The following CRIM1 variants were observed in gnomAD, a reference collection of about 807,000 sequenced individuals.
CRIM1 encodes cysteine rich transmembrane BMP regulator 1.
In CRIM1, 32 loss-of-function variants were observed where a neutral mutation model predicts 116.4. The ratio of observed to expected loss-of-function variants is 0.27; its 90% confidence interval spans 0.21 to 0.37. The LOEUF is 0.37. Ranked by LOEUF, CRIM1 falls within the 10% of genes least tolerant of loss-of-function variation. The probability of loss-of-function intolerance (pLI) is 1.00; values close to 1 mark genes in which losing one functional copy is unlikely to be tolerated. For synonymous variants in CRIM1, 590 were observed against 509.2 expected (o/e 1.16, Z -2.13); for missense variants, 1,331 against 1,354.8 (o/e 0.98, Z 0.28).
At chr2:36,385,226 A>G (rs1180717214) in intron 1 of CRIM1, among the ~76,000 whole-genome samples, 1 of 152,178 alleles carries the variant, frequency 6.6e-6, no homozygotes, top group African/African-American at 2.4e-5. Flanking sequence ...TTTATCTTCC[A>G]CTTGGTTTAT....
chr2:36,508,005 T>C (rs1488862277), intron 8 of CRIM1, among the ~76,000 whole-genome samples: 6 of 152,192 alleles, frequency 3.9e-5, no homozygotes, highest in Admixed American at 3.9e-4. Flanking sequence ...GACAGAAAAA[T>C]GGGTTCACAA....
chr2:36,367,136 A>G (rs1669653995), intron 1 of CRIM1, among the ~76,000 whole-genome samples: 1 of 152,242 alleles, frequency 6.6e-6, no homozygotes, highest in Non-Finnish European at 1.5e-5. Context: ...AAGTCAAAGT[A>G]GAAGGATTTT....
intron 4 of CRIM1, among the ~76,000 whole-genome samples, chr2:36,464,126 A>G (rs190673836): frequency 1.3e-5 from 2 of 152,354 alleles, no homozygotes; most frequent in East Asian, 1.9e-4. Flanking sequence ...ACATGAGGCC[A>G]TTTAGCACGG....
intron 2 of CRIM1, among the ~76,000 whole-genome samples, chr2:36,424,216 C>G (rs371820723): frequency 1.1e-4 from 16 of 152,186 alleles, no homozygotes; most frequent in East Asian, 9.7e-4. Flanking sequence ...GTAGGTTGTG[C>G]ATAAAGTCTA....
At chr2:36,443,042 G>A (rs1675980373) in intron 4 of CRIM1, among the ~76,000 whole-genome samples, 1 of 152,164 alleles carries the variant, frequency 6.6e-6, no homozygotes. Flanking sequence ...GGCAGGCAGT[G>A]AGGTGTCTAT....
chr2:36,550,711 TTTG>T lies in CRIM1; in HGVS notation c.*2013_*2015del, dbSNP rs1478119885. On this transcript the variant is annotated 3_prime_UTR_variant, in exon 17 of 17. Coordinates refer to ENST00000280527, the MANE Select transcript of CRIM1 (RefSeq NM_016441.3). ...ATATTTTTATCTTTTCCAAAATAAA[TTTG>T]TTAATGATACATTACAAAAATAGAT... 6.6e-6 allele frequency: 1 copy of T among 152,540 alleles called. No homozygotes were observed. Among genetic ancestry groups the T allele is most frequent in the Non-Finnish European group, 1.5e-5 (1 of 68,022 alleles). 9.4% of individuals were successfully genotyped at this position (152,540 alleles called of 1,614,324 possible).
intron 7 of CRIM1, among the ~76,000 whole-genome samples, chr2:36,497,642 A>G (rs978607701): frequency 2.0e-5 from 3 of 152,210 alleles, no homozygotes; most frequent in Non-Finnish European, 1.5e-5. Flanking sequence ...ATCAGTGAAA[A>G]GTTTATATAA....
At chr2:36,538,270 A>G (rs1316938978) in intron 14 of CRIM1, among the ~76,000 whole-genome samples, 2 of 152,090 alleles carry the variant, frequency 1.3e-5, no homozygotes, top group African/African-American at 4.8e-5. Flanking sequence ...CTGCCAAACA[A>G]TTCCTCTTTC....
intron 2 of CRIM1, among the ~76,000 whole-genome samples, chr2:36,424,068 G>A (rs116315154): frequency 6.6e-6 from 1 of 152,148 alleles, no homozygotes; most frequent in Non-Finnish European, 1.5e-5. Context: ...GCCTGCTGTG[G>A]TCTAGGCATT....
chr2:36,486,019 C>G (rs1004001297), intron 7 of CRIM1, among the ~76,000 whole-genome samples: 24 of 152,270 alleles, frequency 1.6e-4, no homozygotes, highest in Admixed American at 1.4e-3. Flanking sequence ...AGGTCTTTAA[C>G]ATAAACATCA....
At chr2:36,500,888 A>G (rs1458196029) in intron 8 of CRIM1, among the ~76,000 whole-genome samples, 12 of 152,246 alleles carry the variant, frequency 7.9e-5, no homozygotes, top group Admixed American at 7.9e-4. Flanking sequence ...AAAATACATC[A>G]GAGCATTCCT....
At position 36,356,375 on chromosome 2, in the gene CRIM1, C is replaced by A. The variant is rs1668800825; in HGVS notation, c.83C>A (p.Ala28Glu). ...CTGCTGGGGCTGCTGCTGCTGCTGG[C>A]GCGCTCCGGCACCCGGGCGCTGGTC... Reference protein sequence around the residue: ...VSLLGLLLLLARSGTRALVCL... With the variant: ...VSLLGLLLLLERSGTRALVCL... Residue 28 changes from alanine (A) to glutamate (E), a missense_variant, in exon 1 of 17, where the codon GCG becomes GAG. By Grantham distance (107) the Ala-to-Glu change is moderately radical (BLOSUM62 -1). Coordinates refer to ENST00000280527, the MANE Select transcript of CRIM1 (RefSeq NM_016441.3). This position sits in a 1 kb window ranked among gnomAD's most constrained non-coding sequence, Gnocchi z 4.3. 1.3e-6 allele frequency: 2 copies of A among 1,595,426 alleles called. No individual in the cohort carries two copies. Among genetic ancestry groups the A allele is most frequent in the Non-Finnish European group, 8.5e-7 (1 of 1,173,482 alleles).
At chr2:36,411,134 C>T (rs936120881) in intron 2 of CRIM1, among the ~76,000 whole-genome samples, 3 of 152,160 alleles carry the variant, frequency 2.0e-5, no homozygotes, top group Admixed American at 6.5e-5. Flanking sequence ...TCTTGGTGCC[C>T]TTTGGCATTT....
chr2:36,506,278 G>A (rs1460976930), intron 8 of CRIM1, among the ~76,000 whole-genome samples: 1 of 151,648 alleles, frequency 6.6e-6, no homozygotes, highest in African/African-American at 2.4e-5. Context: ...GGATGTGAGA[G>A]TACCCAGAGA....
At chr2:36,385,071 A>G (rs755608597) in intron 1 of CRIM1, among the ~76,000 whole-genome samples, 9 of 149,102 alleles carry the variant, frequency 6.0e-5, no homozygotes, top group African/African-American at 1.0e-4. Flanking sequence ...ACCAAACACA[A>G]TCTTGCTTCA....
chr2:36,467,765 C>T (rs1031814473), intron 5 of CRIM1, among the ~76,000 whole-genome samples: 1 of 152,178 alleles, frequency 6.6e-6, no homozygotes, highest in African/African-American at 2.4e-5. Context: ...AAATTAGGCC[C>T]CCAGTTTTCT....
chr2:36,521,460 C>T (rs989516575), intron 12 of CRIM1, among the ~76,000 whole-genome samples: 2 of 152,140 alleles, frequency 1.3e-5, no homozygotes, highest in Non-Finnish European at 2.9e-5. Flanking sequence ...AATCCAGCTA[C>T]AATTTGTAAG....
chr2:36,408,654 A>G (rs1282654759), intron 2 of CRIM1, among the ~76,000 whole-genome samples: 1 of 152,214 alleles, frequency 6.6e-6, no homozygotes, highest in East Asian at 1.9e-4. Flanking sequence ...TGTCTCCATC[A>G]ACCAGAGGGT....
chr2:36,433,074 C>T (rs1356108838), intron 2 of CRIM1, among the ~76,000 whole-genome samples: 1 of 152,162 alleles, frequency 6.6e-6, no homozygotes, highest in Admixed American at 6.5e-5. Flanking sequence ...TAGCGAGCTC[C>T]TTAGGAGATG....
Sources: allele counts gnomAD v4.1 joint callset (sites outside exome capture counted in the v4.1 genomes callset), GRCh38; gene constraint gnomAD v4.1.1; non-coding constraint Gnocchi (gnomAD v3.1); transcripts MANE v1.5; gene names NCBI Gene and HGNC (gene_info 2026-07-23, HGNC 2026-07-21).